The following OSBPL10 variants were observed in gnomAD, a reference collection of about 807,000 sequenced individuals.
OSBPL10 encodes oxysterol-binding protein-related protein 10.
In OSBPL10, 49 loss-of-function variants were observed where a neutral mutation model predicts 81.7. That is an observed-to-expected ratio of 0.60 (90% CI 0.48 to 0.76). OSBPL10 has a LOEUF of 0.76. Among genes scored for constraint, OSBPL10 ranks in the 30% least tolerant of loss-of-function variants. The pLI, the probability that OSBPL10 is intolerant of heterozygous loss-of-function variation, is 0.00. For synonymous variants in OSBPL10, 419 were observed against 383.6 expected (o/e 1.09, Z -1.08); for missense variants, 923 against 987.8 (o/e 0.93, Z 0.88).
intron 1 of OSBPL10, among the ~76,000 whole-genome samples, chr3:32,075,777 G>A (rs1042336213): frequency 6.6e-5 from 10 of 152,178 alleles, no homozygotes; most frequent in African/African-American, 2.4e-4. Context: ...AGACAGGAAT[G>A]TCAGGCCTCT....
intron 1 of OSBPL10, among the ~76,000 whole-genome samples, chr3:31,897,223 A>G (rs1696084955): frequency 6.6e-6 from 1 of 152,204 alleles, no homozygotes; most frequent in Admixed American, 6.5e-5. Flanking sequence ...ACGAGCAGTT[A>G]GAAACCACTG....
chr3:32,055,051 T>C (rs1415100380), intron 1 of OSBPL10, among the ~76,000 whole-genome samples: 1 of 152,128 alleles, frequency 6.6e-6, no homozygotes, highest in Non-Finnish European at 1.5e-5. Flanking sequence ...GAAATGTTCA[T>C]GAATATCAAG....
At chr3:31,762,409 C>T (rs1698071527) in intron 4 of OSBPL10, among the ~76,000 whole-genome samples, 1 of 152,110 alleles carries the variant, frequency 6.6e-6, no homozygotes, top group South Asian at 2.1e-4. Flanking sequence ...TATAACAGTG[C>T]TTTCACAGTC....
At chr3:31,946,725 G>A (rs2125436552) in intron 1 of OSBPL10, among the ~76,000 whole-genome samples, 1 of 152,342 alleles carries the variant, frequency 6.6e-6, no homozygotes, top group African/African-American at 2.4e-5. Flanking sequence ...CAAGTTCAAG[G>A]TGGAGCTGGG....
intron 6 of OSBPL10, chr3:31,709,130 T>A (rs1422696748): frequency 2.7e-6 from 2 of 737,382 alleles, no homozygotes; most frequent in Non-Finnish European, 3.3e-6. Context: ...CCTTGACAGG[T>A]CCAAGTACAC....
chr3:31,982,366 C>A (rs931889786), upstream of OSBPL10, among the ~76,000 whole-genome samples: 1 of 152,146 alleles, frequency 6.6e-6, no homozygotes, highest in Non-Finnish European at 1.5e-5. Context: ...CTCTCACACA[C>A]ACACAGACAA....
intron 4 of OSBPL10, among the ~76,000 whole-genome samples, chr3:31,809,043 A>G (rs1699596725): frequency 6.6e-6 from 1 of 152,180 alleles, no homozygotes; most frequent in Admixed American, 6.5e-5. Context: ...AGCAAAAGTA[A>G]GACTAAGCCA....
intron 4 of OSBPL10, among the ~76,000 whole-genome samples, chr3:31,760,387 G>T (rs9856466): frequency 7.9e-5 from 12 of 152,150 alleles, no homozygotes; most frequent in Non-Finnish European, 1.6e-4. Flanking sequence ...CCAGGACTCC[G>T]CCTGGATATC....
At chr3:32,054,152 C>T (rs1699689613) in intron 1 of OSBPL10, among the ~76,000 whole-genome samples, 1 of 152,170 alleles carries the variant, frequency 6.6e-6, no homozygotes, top group South Asian at 2.1e-4. Context: ...AAGTGAATGA[C>T]TTATGGTAAC....
At chr3:31,694,370 C>CAAAA (rs747631578) in intron 7 of OSBPL10, among the ~76,000 whole-genome samples, 13 of 62,824 alleles carry the variant, frequency 2.1e-4, no homozygotes, top group African/African-American at 7.1e-4. Context: ...GACTCTGTCT[C>CAAAA]AAAAAAAAAA....
chr3:32,015,262 A>G (rs961015065), intron 2 of OSBPL10, among the ~76,000 whole-genome samples: 3 of 152,128 alleles, frequency 2.0e-5, no homozygotes, highest in African/African-American at 7.2e-5. Flanking sequence ...AGACCAATGG[A>G]ACAGAATAGA....
At chr3:31,831,394 G>A (rs1207374562) in intron 3 of OSBPL10, among the ~76,000 whole-genome samples, 3 of 146,942 alleles carry the variant, frequency 2.0e-5, no homozygotes, top group African/African-American at 5.0e-5. Context: ...CAACAAGAGC[G>A]AAACTCCGTC....
intron 4 of OSBPL10, among the ~76,000 whole-genome samples, chr3:31,790,782 A>G (rs1170634136): frequency 6.6e-6 from 1 of 152,100 alleles, no homozygotes; most frequent in Non-Finnish European, 1.5e-5. Context: ...ACTGGCAGCA[A>G]TCTACACAAC....
Position 31,670,654 on chromosome 3 carries a change from A to T in OSBPL10, c.1913+143T>A. The T allele has an allele frequency of 6.5e-6, 6 of 926,828 alleles. No individual in the cohort carries two copies. The South Asian group carries it at 1.4e-4, about 21-fold the overall frequency. 57.4% of individuals were successfully genotyped at this position (926,828 alleles called of 1,614,324 possible). ...AAAACTGCCATGTAAGGTAGGGAAA[A>T]GGCATCTCTTTTGGAAAAGACCTTA... On this transcript the variant is annotated intron_variant, in intron 9 of 11. Transcript: ENST00000396556.
At chr3:31,868,840 A>C (rs1304702306) in intron 3 of OSBPL10, among the ~76,000 whole-genome samples, 1 of 152,180 alleles carries the variant, frequency 6.6e-6, no homozygotes. Context: ...AAACAGCACT[A>C]TTCATAAATT....
intron 2 of OSBPL10, among the ~76,000 whole-genome samples, chr3:32,029,469 C>T (rs1033890364): frequency 2.0e-5 from 3 of 152,110 alleles, no homozygotes; most frequent in East Asian, 1.9e-4. Flanking sequence ...CTGCATTATC[C>T]CCCTCAGTGA....
intron 4 of OSBPL10, among the ~76,000 whole-genome samples, chr3:31,812,701 TAC>T (rs1699712069): frequency 7.7e-6 from 1 of 129,738 alleles, no homozygotes; most frequent in Non-Finnish European, 1.6e-5. Context: ...CTGGAATCTC[TAC>T]ACAGTAGGCA....
rs1284474010 is a variant in OSBPL10, at chr3:31,921,351, G to A, written c.282-41521C>T. On this transcript the variant is annotated intron_variant, in intron 1 of 11. Coordinates refer to ENST00000396556, the MANE Select transcript of OSBPL10 (RefSeq NM_017784.5). ...ACCATTCTCCAATAAAAGGAGTCAG[G>A]TTCCTTGGAAAAATGGCTGATTCTA... is the stretch of plus-strand genomic sequence containing the variant. Among the ~76,000 whole-genome samples, 3 of 152,234 alleles carry A rather than the reference G, an allele frequency of 2.0e-5. No homozygotes were observed. The South Asian group carries it at 6.2e-4, about 32-fold the overall frequency.
chr3:31,964,710 C>G (rs1405054871), intron 1 of OSBPL10, among the ~76,000 whole-genome samples: 1 of 152,172 alleles, frequency 6.6e-6, no homozygotes, highest in East Asian at 1.9e-4. Context: ...AAACAACACC[C>G]TGGCCTGAAA....
Sources: allele counts gnomAD v4.1 joint callset (sites outside exome capture counted in the v4.1 genomes callset), GRCh38; gene constraint gnomAD v4.1.1; transcripts MANE v1.5; gene names NCBI Gene and HGNC (gene_info 2026-07-23, HGNC 2026-07-21).